Variants in KMT2C observed in about 807,000 individuals in gnomAD.
The protein encoded by KMT2C is lysine methyltransferase 2C.
KMT2C carries 88 observed loss-of-function variants against 507.9 expected under a neutral mutation model. That is an observed-to-expected ratio of 0.17 (90% CI 0.15 to 0.21). The LOEUF (loss-of-function observed/expected upper bound fraction) is 0.21, where lower values mean the gene tolerates loss of function less well. KMT2C is among the 10% of genes least tolerant of loss of function. The probability of loss-of-function intolerance (pLI) is 1.00; values close to 1 mark genes in which losing one functional copy is unlikely to be tolerated. For synonymous variants in KMT2C, 2,049 were observed against 2,080.8 expected, an observed-to-expected ratio of 0.98 and a Z score of 0.42; for missense variants, 4,954 against 5,957.8, an observed-to-expected ratio of 0.83 and a Z score of 5.55.
intron 31 of KMT2C, among the ~76,000 whole-genome samples, chr7:152,191,201 C>A (rs1009186626): frequency 2.0e-5 from 3 of 152,190 alleles, no homozygotes; most frequent in Non-Finnish European, 4.4e-5. Context: ...TTTCATCCAT[C>A]TCCTTGACTA....
chr7:152,145,596 G>A (rs1340998335), intron 53 of KMT2C, among the ~76,000 whole-genome samples: 1 of 152,204 alleles, frequency 6.6e-6, no homozygotes, highest in Non-Finnish European at 1.5e-5. Flanking sequence ...TGATTTCAGG[G>A]CCTGACTGAA....
chr7:152,333,418 C>T (rs1161909343), intron 2 of KMT2C, among the ~76,000 whole-genome samples: 1 of 152,186 alleles, frequency 6.6e-6, no homozygotes, highest in East Asian at 1.9e-4. Flanking sequence ...TGAGTCACTA[C>T]TCCCAGCCTA....
At chr7:152,233,076 C>T (rs2095171806) in intron 16 of KMT2C, among the ~76,000 whole-genome samples, 1 of 152,086 alleles carries the variant, frequency 6.6e-6, no homozygotes, top group Admixed American at 6.5e-5. Flanking sequence ...TAGAAAACTA[C>T]AATGTCCCTA....
chr7:152,274,951 TG>T (rs2096055400), intron 6 of KMT2C, among the ~76,000 whole-genome samples: 1 of 152,202 alleles, frequency 6.6e-6, no homozygotes, highest in African/African-American at 2.4e-5. Flanking sequence ...TGATCTTTTT[TG>T]TGAGTGTGGC....
intron 35 of KMT2C, 95 bp downstream of exon 35, chr7:152,182,879 G>T: frequency 1.1e-6 from 1 of 904,994 alleles, no homozygotes; most frequent in Non-Finnish European, 1.7e-6. Context: ...AATTTTCATG[G>T]TCTAAGAACT....
intron 3 of KMT2C, among the ~76,000 whole-genome samples, chr7:152,329,042 A>G (rs1299460015): frequency 6.6e-6 from 1 of 152,028 alleles, no homozygotes; most frequent in Non-Finnish European, 1.5e-5. Flanking sequence ...AAGAAGAGTA[A>G]CGGAAATGAA....
At chr7:152,354,835 C>G (rs2097140053) in intron 2 of KMT2C, among the ~76,000 whole-genome samples, 1 of 152,130 alleles carries the variant, frequency 6.6e-6, no homozygotes, top group South Asian at 2.1e-4. Context: ...AGCCTGAAAA[C>G]AATGGTACTG....
chr7:152,211,334 C>T (rs2129140652), intron 23 of KMT2C, among the ~76,000 whole-genome samples: 1 of 152,320 alleles, frequency 6.6e-6, no homozygotes, highest in South Asian at 2.1e-4. Flanking sequence ...ACCTTCCACA[C>T]ATTCTCTGTC....
At chr7:152,387,112 A>T (rs922731916) in intron 1 of KMT2C, among the ~76,000 whole-genome samples, 2 of 152,148 alleles carry the variant, frequency 1.3e-5, no homozygotes, top group African/African-American at 4.8e-5. Flanking sequence ...CCAGAATAAG[A>T]TATTTTTTAA....
At chr7:152,251,051 A>T (rs1025333716) in intron 11 of KMT2C, 85 bp from the exon 12 acceptor site, 1 of 742,376 alleles carries the variant, frequency 1.3e-6, no homozygotes, top group African/African-American at 1.8e-5. Context: ...TTGTATGAGT[A>T]AGGGCAAATC....
At chr7:152,149,272 G>C in intron 51 of KMT2C, 120 bp from the exon 52 acceptor site, 1 of 890,600 alleles carries the variant, frequency 1.1e-6, no homozygotes, top group Non-Finnish European at 1.6e-6. Flanking sequence ...GAGGGGCAGA[G>C]GGAGAGTCAG....
intron 6 of KMT2C, among the ~76,000 whole-genome samples, chr7:152,282,963 T>C (rs2096245039): frequency 6.6e-6 from 1 of 152,156 alleles, no homozygotes; most frequent in African/African-American, 2.4e-5. Context: ...TGAAATTCTA[T>C]ATCAAGGTTA....
chr7:152,334,312 C>T (rs1354482523), intron 2 of KMT2C, among the ~76,000 whole-genome samples: 5 of 152,076 alleles, frequency 3.3e-5, no homozygotes, highest in South Asian at 2.1e-4. Flanking sequence ...ATTAGCCGGG[C>T]GAGGTGGTGC....
Position 152,148,115 on chromosome 7 carries a change from C to T in KMT2C, c.13812G>A (p.Glu4604=), listed in dbSNP as rs190304961. 7 of 1,612,548 alleles carry T rather than the reference C, an allele frequency of 4.3e-6. No individual in the cohort carries two copies. In the East Asian group the frequency reaches 1.6e-4, roughly 36 times the overall value. ...RRCRYLCSIE[E]KDGRPVFVIR... is the part of the protein sequence containing the mutation. Reference sequence around the variant, plus strand: ...TGACAAACACTGGGCGCCCATCCTTCTCCTCAATGGAGCACAGGTAGCGGC... The same window carrying T: ...TGACAAACACTGGGCGCCCATCCTTTTCCTCAATGGAGCACAGGTAGCGGC... Residue 4604 remains glutamate (E), a synonymous_variant, in exon 52 of 59, where the codon GAG becomes GAA. Transcript: ENST00000262189. This position sits in a 1 kb window ranked among gnomAD's most constrained non-coding sequence, Gnocchi z 7.1.
At chr7:152,340,317 C>G (rs531385412) in intron 2 of KMT2C, among the ~76,000 whole-genome samples, 2 of 152,204 alleles carry the variant, frequency 1.3e-5, no homozygotes, top group South Asian at 2.1e-4. Flanking sequence ...AATAGAATAA[C>G]TGACTTCCCT....
At chr7:152,207,214 A>C in intron 24 of KMT2C, 86 bp downstream of exon 24, 1 of 1,165,596 alleles carries the variant, frequency 8.6e-7, no homozygotes, top group Non-Finnish European at 1.2e-6. Context: ...CTGAATATTT[A>C]ATTTTAATTG....
Position 152,155,866 on chromosome 7 carries a change from A to G in KMT2C, c.11960+44T>C, listed in dbSNP as rs1158784628. On this transcript the variant is annotated intron_variant, in intron 46 of 58. Transcript: ENST00000262189. ...CATACATACATTTATTTTTTTTAAAAGAAGAAATAACTAAGAATTATTTGA... is the reference window on the plus strand; with the variant it reads ...CATACATACATTTATTTTTTTTAAAGGAAGAAATAACTAAGAATTATTTGA... 6.5e-6 allele frequency: 10 copies of G among 1,547,460 alleles called. No individual in the cohort carries two copies. The African/African-American group carries it at 1.4e-4, about 22-fold the overall frequency.
At chr7:152,242,806 A>AG (rs1372403014) in intron 14 of KMT2C, among the ~76,000 whole-genome samples, 1 of 152,208 alleles carries the variant, frequency 6.6e-6, no homozygotes, top group African/African-American at 2.4e-5. Flanking sequence ...GAGTACTATC[A>AG]GTTTTAAAAG....
chr7:152,397,619 C>T (rs1275204247), intron 1 of KMT2C, among the ~76,000 whole-genome samples: 3 of 152,122 alleles, frequency 2.0e-5, no homozygotes, highest in South Asian at 2.1e-4. Context: ...TATGGTTTGG[C>T]AGTGTCCCCA....
Sources: allele counts gnomAD v4.1 joint callset (sites outside exome capture counted in the v4.1 genomes callset), GRCh38; gene constraint gnomAD v4.1.1; non-coding constraint Gnocchi (gnomAD v3.1); transcripts MANE v1.5; gene names NCBI Gene and HGNC (gene_info 2026-07-23, HGNC 2026-07-21).